Variants in SRPK2 observed in about 807,000 individuals in gnomAD.
SRPK2 encodes the protein SRSF protein kinase 2, also known as SFRS protein kinase 2.
A neutral mutation model predicts 90.8 loss-of-function variants in SRPK2; 21 were observed. That is an observed-to-expected ratio of 0.23 (90% CI 0.16 to 0.33). The LOEUF (loss-of-function observed/expected upper bound fraction) is 0.33, where lower values mean the gene tolerates loss of function less well. SRPK2 is among the 10% of genes least tolerant of loss of function. The pLI is 1.00. For synonymous variants in SRPK2, 288 were observed against 311.1 expected, an observed-to-expected ratio of 0.93 and a Z score of 0.78; for missense variants, 620 against 869.0, an observed-to-expected ratio of 0.71 and a Z score of 3.60.
At chr7:105,314,327 G>A (rs1308880713) in intron 2 of SRPK2, among the ~76,000 whole-genome samples, 1 of 152,030 alleles carries the variant, frequency 6.6e-6, no homozygotes, top group Non-Finnish European at 1.5e-5. Context: ...GTAAGACCCT[G>A]TCTTGAAAAA....
At chr7:105,249,484 C>G (rs1273699892) in intron 2 of SRPK2, among the ~76,000 whole-genome samples, 1 of 151,512 alleles carries the variant, frequency 6.6e-6, no homozygotes, top group African/African-American at 2.4e-5. Context: ...TCTTGGTTTT[C>G]TTAAAGAACA....
chr7:105,209,702 GAGAA>G (rs1249138172), intron 2 of SRPK2, among the ~76,000 whole-genome samples: 2 of 151,594 alleles, frequency 1.3e-5, no homozygotes, highest in Admixed American at 1.3e-4. Flanking sequence ...AAAAAGGAAA[GAGAA>G]AGGAAAACAA....
chr7:105,208,619 C>T (rs962366822), intron 2 of SRPK2, among the ~76,000 whole-genome samples: 1 of 151,976 alleles, frequency 6.6e-6, no homozygotes, highest in Non-Finnish European at 1.5e-5. Flanking sequence ...TCAGTGGATG[C>T]TCATATCGGG....
intron 2 of SRPK2, among the ~76,000 whole-genome samples, chr7:105,313,067 A>G (rs1467432876): frequency 6.6e-6 from 1 of 152,212 alleles, no homozygotes; most frequent in East Asian, 1.9e-4. Context: ...CAATAACATC[A>G]CAAAAGACAA....
intron 3 of SRPK2, among the ~76,000 whole-genome samples, chr7:105,192,047 CTGCTT>C (rs1227966119): frequency 6.4e-5 from 2 of 31,334 alleles, no homozygotes; most frequent in Admixed American, 3.2e-4. Context: ...ACTTCTGCTT[CTGCTT>C]TTTTTTTTTT....
intron 2 of SRPK2, among the ~76,000 whole-genome samples, chr7:105,219,525 T>A (rs955392723): frequency 6.6e-6 from 1 of 152,214 alleles, no homozygotes; most frequent in Admixed American, 6.5e-5. Context: ...ATATGCAAGA[T>A]CCTTTCAGGC....
chr7:105,306,364 A>G (rs538177248), intron 2 of SRPK2: 2 of 369,420 alleles, frequency 5.4e-6, no homozygotes, highest in East Asian at 1.5e-4. Flanking sequence ...AACAAAAGTC[A>G]TAATAACTGT....
chr7:105,143,580 G>A (rs1462865619), intron 9 of SRPK2: 4 of 492,812 alleles, frequency 8.1e-6, no homozygotes, highest in Non-Finnish European at 1.4e-5. Context: ...CTTAAATCCA[G>A]TAAGTCTTCA....
intron 2 of SRPK2, among the ~76,000 whole-genome samples, chr7:105,283,925 C>A (rs187085825): frequency 6.6e-6 from 1 of 151,986 alleles, no homozygotes; most frequent in Admixed American, 6.6e-5. Flanking sequence ...AGAAAGTCAA[C>A]GCTATAGTGA....
chr7:105,140,038 C>T (rs914542274), intron 11 of SRPK2, among the ~76,000 whole-genome samples: 2 of 151,896 alleles, frequency 1.3e-5, no homozygotes, highest in Non-Finnish European at 2.9e-5. Flanking sequence ...TTTAGTTGAT[C>T]TCTAGTTATT....
intron 2 of SRPK2, among the ~76,000 whole-genome samples, chr7:105,242,590 T>G (rs1800962954): frequency 6.6e-6 from 1 of 152,188 alleles, no homozygotes; most frequent in Admixed American, 6.5e-5. Flanking sequence ...GTAAAGCAAG[T>G]GATCATTATT....
At chr7:105,136,498 TA>T (rs2129575660) in intron 11 of SRPK2, among the ~76,000 whole-genome samples, 1 of 152,304 alleles carries the variant, frequency 6.6e-6, no homozygotes, top group Non-Finnish European at 1.5e-5. Flanking sequence ...CTGCTTCCAC[TA>T]AGAGGGGAAT....
At chr7:105,161,146 C>T (rs779285914) in intron 6 of SRPK2, among the ~76,000 whole-genome samples, 3 of 152,038 alleles carry the variant, frequency 2.0e-5, no homozygotes, top group Admixed American at 1.3e-4. Context: ...AGGATGGTCT[C>T]GATCTCCTGA....
In SRPK2 at chr7:105,120,601, T is replaced by C. The variant is rs561084231; in HGVS notation, c.1916-2579A>G. On this transcript the variant is annotated intron_variant, in intron 15 of 15. Transcript: ENST00000393651. Reference sequence around the variant, plus strand: ...TATGCAGGAGAGTCCTAAACACCTATGGTCCTGAGCACAGAGCAGCACTGC... The same window carrying C: ...TATGCAGGAGAGTCCTAAACACCTACGGTCCTGAGCACAGAGCAGCACTGC... 3.3e-5 allele frequency among the ~76,000 whole-genome samples: 5 copies of C among 151,654 alleles called. No homozygotes were observed. The South Asian group carries it at 1.0e-3, about 32-fold the overall frequency.
intron 2 of SRPK2, among the ~76,000 whole-genome samples, chr7:105,241,896 G>A (rs760499633): frequency 2.6e-5 from 4 of 151,768 alleles, no homozygotes; most frequent in Non-Finnish European, 4.4e-5. Context: ...GACCATAAAC[G>A]ATGAAGAAAA....
At chr7:105,137,434 C>A (rs1394780877) in intron 11 of SRPK2, among the ~76,000 whole-genome samples, 1 of 152,128 alleles carries the variant, frequency 6.6e-6, no homozygotes, top group Non-Finnish European at 1.5e-5. Flanking sequence ...GACTGCCAGA[C>A]AGAGACAGAC....
intron 2 of SRPK2, among the ~76,000 whole-genome samples, chr7:105,289,338 A>G (rs1808637731): frequency 6.6e-6 from 1 of 152,168 alleles, no homozygotes; most frequent in Admixed American, 6.5e-5. Context: ...ATGTAATAAC[A>G]AAATCACTCT....
At chr7:105,343,279 C>G (rs149675939) in intron 2 of SRPK2, among the ~76,000 whole-genome samples, 1 of 151,996 alleles carries the variant, frequency 6.6e-6, no homozygotes. Context: ...ACAAAAAATA[C>G]AAAAACTAGC....
chr7:105,315,825 T>C (rs1812244505), intron 2 of SRPK2, among the ~76,000 whole-genome samples: 1 of 152,176 alleles, frequency 6.6e-6, no homozygotes. Flanking sequence ...GTATTTGACA[T>C]GATTCTAATA....
Sources: allele counts gnomAD v4.1 joint callset (sites outside exome capture counted in the v4.1 genomes callset), GRCh38; gene constraint gnomAD v4.1.1; transcripts MANE v1.5; gene names NCBI Gene and HGNC (gene_info 2026-07-23, HGNC 2026-07-21).